Variants in GLIS3 observed in about 807,000 individuals in gnomAD.
GLIS3 encodes zinc finger protein GLIS3.
GLIS3 carries 53 observed loss-of-function variants against 78.6 expected under a neutral mutation model. That is an observed-to-expected ratio of 0.67 (90% CI 0.54 to 0.85). The LOEUF (loss-of-function observed/expected upper bound fraction) is 0.85, where lower values mean the gene tolerates loss of function less well. GLIS3 is among the 40% of genes least tolerant of loss of function. The pLI is 0.00. For missense variants in GLIS3, 1,703 were observed against 1,231.1 expected (o/e 1.38, Z -5.74); for synonymous variants, 684 against 509.9 (o/e 1.34, Z -4.60).
At chr9:4,421,334 C>A in the GLIS3 span, among the ~76,000 whole-genome samples, 1 of 152,174 alleles carries the variant, frequency 6.6e-6, no homozygotes, top group Non-Finnish European at 1.5e-5. Context: ...CTGGTTCCAA[C>A]TGAAAGATGC....
the GLIS3 span, among the ~76,000 whole-genome samples, chr9:4,449,019 ACC>A: frequency 6.6e-6 from 1 of 152,024 alleles, no homozygotes; most frequent in East Asian, 1.9e-4. Context: ...GCAGGGTGTC[ACC>A]TCACCTGGGA....
At chr9:4,309,685 GA>G (rs1398092883) in intron 3 of GLIS3, among the ~76,000 whole-genome samples, 1 of 152,104 alleles carries the variant, frequency 6.6e-6, no homozygotes, top group African/African-American at 2.4e-5. Flanking sequence ...TTTTAACTCT[GA>G]AAGTAGAAGT....
chr9:4,036,905 G>A (rs1300870955), intron 4 of GLIS3, among the ~76,000 whole-genome samples: 2 of 152,074 alleles, frequency 1.3e-5, no homozygotes, highest in East Asian at 1.9e-4. Context: ...CCAGTAGAGG[G>A]GCTAAAAATA....
At chr9:4,089,520 A>G (rs759068619) in intron 4 of GLIS3, among the ~76,000 whole-genome samples, 1 of 152,188 alleles carries the variant, frequency 6.6e-6, no homozygotes, top group Non-Finnish European at 1.5e-5. Flanking sequence ...GAACATTGCC[A>G]AAATGTTAAA....
chr9:3,847,927 C>G (rs1394522877), intron 9 of GLIS3, among the ~76,000 whole-genome samples: 1 of 152,140 alleles, frequency 6.6e-6, no homozygotes, highest in Non-Finnish European at 1.5e-5. Flanking sequence ...AAAATTATTC[C>G]TGATTATGAC....
At chr9:4,100,316 G>A (rs1338981135) in intron 4 of GLIS3, among the ~76,000 whole-genome samples, 1 of 152,110 alleles carries the variant, frequency 6.6e-6, no homozygotes, top group Non-Finnish European at 1.5e-5. Context: ...ACCCTTACAT[G>A]CATTTTAGTC....
At chr9:4,483,800 C>G in the GLIS3 span, among the ~76,000 whole-genome samples, 1 of 151,778 alleles carries the variant, frequency 6.6e-6, no homozygotes, top group South Asian at 2.1e-4. Context: ...ACCCTTTCTC[C>G]TCCTGTTACT....
upstream of GLIS3, among the ~76,000 whole-genome samples, chr9:4,300,577 G>C (rs1817025947): frequency 6.6e-6 from 1 of 152,120 alleles, no homozygotes; most frequent in Non-Finnish European, 1.5e-5. Context: ...AGAGAGGAAG[G>C]TGATGGAAGT....
chr9:3,907,701 C>A (rs770904420), intron 6 of GLIS3, among the ~76,000 whole-genome samples: 2 of 151,524 alleles, frequency 1.3e-5, no homozygotes, highest in Non-Finnish European at 2.9e-5. Context: ...AATGCTGAGA[C>A]GTTATGTTCC....
intron 4 of GLIS3, among the ~76,000 whole-genome samples, chr9:4,087,078 T>G (rs1353066145): frequency 1.3e-5 from 2 of 152,172 alleles, no homozygotes; most frequent in Non-Finnish European, 2.9e-5. Flanking sequence ...TGGCAAAGTC[T>G]GAAATGAAAA....
At chr9:3,972,578 C>T (rs982104312) in intron 4 of GLIS3, among the ~76,000 whole-genome samples, 3 of 151,976 alleles carry the variant, frequency 2.0e-5, no homozygotes, top group East Asian at 1.9e-4. Flanking sequence ...TGTTTGTTTG[C>T]TTTCTGATAG....
intron 4 of GLIS3, among the ~76,000 whole-genome samples, chr9:4,076,882 C>A (rs796705715): frequency 3.3e-5 from 5 of 152,218 alleles, no homozygotes; most frequent in African/African-American, 1.2e-4. Context: ...CATGGCAAAA[C>A]CCTGTCTCTA....
rs76079927 is a variant in GLIS3 at position 4,080,059 on chromosome 9, G to A, written c.1710+37709C>T. ...ATTTGGAAAATGCTATTGTAAAAGT[G>A]TTTGTGCAGGAATCTGCCTGCTTGT... On this transcript the variant is annotated intron_variant, in intron 4 of 10. Coordinates refer to ENST00000381971, the MANE Select transcript of GLIS3 (RefSeq NM_001042413.2). Among the ~76,000 whole-genome samples, 25 of 152,328 alleles carry A rather than the reference G, an allele frequency of 1.6e-4. No homozygotes were observed. In the East Asian group the frequency reaches 4.6e-3, roughly 28 times the overall value.
intron 2 of GLIS3, among the ~76,000 whole-genome samples, chr9:4,138,231 T>A (rs564885765): frequency 6.6e-6 from 1 of 152,142 alleles, no homozygotes; most frequent in African/African-American, 2.4e-5. Flanking sequence ...AAAGAATGAA[T>A]GGAAGGGAGG....
At chr9:4,261,670 A>G (rs572787221) in intron 2 of GLIS3, among the ~76,000 whole-genome samples, 1 of 152,324 alleles carries the variant, frequency 6.6e-6, no homozygotes, top group African/African-American at 2.4e-5. Flanking sequence ...GAGCCACATT[A>G]CGTAACTCAC....
At chr9:4,363,064 T>TA in the GLIS3 span, among the ~76,000 whole-genome samples, 1 of 152,072 alleles carries the variant, frequency 6.6e-6, no homozygotes, top group Non-Finnish European at 1.5e-5. Context: ...TCAGTTCCAT[T>TA]AGGCCCAAGA....
chr9:4,036,327 T>C (rs1222117845), intron 4 of GLIS3, among the ~76,000 whole-genome samples: 2 of 152,208 alleles, frequency 1.3e-5, no homozygotes, highest in Non-Finnish European at 2.9e-5. Context: ...CTCTAATCTT[T>C]ATTTTCTACT....
the GLIS3 span, among the ~76,000 whole-genome samples, chr9:4,450,778 C>T: frequency 6.6e-6 from 1 of 152,170 alleles, no homozygotes; most frequent in Non-Finnish European, 1.5e-5. Context: ...AAATAAAATC[C>T]TTTACAGACA....
intron 4 of GLIS3, among the ~76,000 whole-genome samples, chr9:4,026,136 C>T (rs1407739895): frequency 2.0e-5 from 3 of 152,174 alleles, no homozygotes; most frequent in Non-Finnish European, 4.4e-5. Context: ...TTTCTTCCAA[C>T]ATCAAGATTA....
Sources: gnomAD v4.1 joint callset for allele counts (sites outside exome capture counted in the v4.1 genomes callset) on GRCh38, gnomAD v4.1.1 for gene constraint, MANE v1.5 for transcripts, NCBI Gene and HGNC (gene_info 2026-07-23, HGNC 2026-07-21) for gene names.